SREBF2: variants seen among roughly 807,000 people sequenced by gnomAD.
The protein encoded by SREBF2 is sterol regulatory element binding transcription factor 2.
SREBF2 carries 55 observed loss-of-function variants against 113.1 expected under a neutral mutation model. That is an observed-to-expected ratio of 0.49 (90% confidence interval 0.39 to 0.61). SREBF2 has a LOEUF of 0.61. Among genes scored for constraint, SREBF2 ranks in the 20% least tolerant of loss-of-function variants. The probability of loss-of-function intolerance (pLI) is 0.00; values close to 1 mark genes in which losing one functional copy is unlikely to be tolerated. For synonymous variants in SREBF2, 593 were observed against 605.7 expected (o/e 0.98, Z 0.31); for missense variants, 1,349 against 1,487.4 (o/e 0.91, Z 1.53).
In SREBF2 at chr22:41,868,268, G is replaced by A. The variant is rs150583098; in HGVS notation, c.539-343G>A. Among the ~76,000 whole-genome samples, 1,059 of 152,262 alleles carry A rather than the reference G, an allele frequency of 7.0e-3. 6 individuals carry two copies. The highest frequency in any genetic ancestry group is 0.051 in the Middle Eastern group (15 of 294). On this transcript the variant is annotated intron_variant, in intron 2 of 18. Coordinates refer to ENST00000361204, the MANE Select transcript of SREBF2 (RefSeq NM_004599.4). Reference sequence around the variant, plus strand: ...ACAGTCCTCCCAAAGTGCACTTGCCGTCCAGAAAGGATGGAAGAAAATGAA... The same window carrying A: ...ACAGTCCTCCCAAAGTGCACTTGCCATCCAGAAAGGATGGAAGAAAATGAA...
chr22:41,879,021 A>C (rs1471298155), intron 9 of SREBF2, among the ~76,000 whole-genome samples: 1 of 152,134 alleles, frequency 6.6e-6, no homozygotes, highest in Non-Finnish European at 1.5e-5. Flanking sequence ...ACATGGCAAC[A>C]AGTTAGGGTG....
rs1274869679 is a variant in SREBF2 at position 41,867,012 on chromosome 22, G to T, written c.270G>T (p.Arg90=). 6.2e-7 allele frequency: 1 copy of T among 1,614,038 alleles called. No individual in the cohort carries two copies. Among genetic ancestry groups the T allele is most frequent in the Admixed American group, 1.7e-5 (1 of 60,012 alleles). Residue 90 remains arginine (R), a synonymous_variant, in exon 2 of 19, where the codon CGG becomes CGT. Transcript: ENST00000361204. ...SSGAVDPSVQ[R]SFTQVTLPSF... ...GAGCTGTGGACCCTTCAGTGCAACG[G>T]TCATTCACCCAGGTCACATTACCTT...
chr22:41,873,241 G>A (rs1278093408), intron 4 of SREBF2, among the ~76,000 whole-genome samples: 2 of 152,006 alleles, frequency 1.3e-5, no homozygotes, highest in African/African-American at 4.8e-5. Flanking sequence ...AAAAATAAGA[G>A]GAGAAAACAG....
At chr22:41,899,605 C>G in intron 15 of SREBF2, 7 of 986,336 alleles carry the variant, frequency 7.1e-6, no homozygotes, top group Non-Finnish European at 8.4e-6. Context: ...GATGTGACAC[C>G]CTAATTTCAT....
chr22:41,870,830 G>T, intron 3 of SREBF2, 59 bp from the exon 4 acceptor site: 1 of 1,591,208 alleles, frequency 6.3e-7, no homozygotes, highest in South Asian at 1.1e-5. Context: ...AGTAAGAAAG[G>T]AATGCATAAC....
intron 7 of SREBF2, among the ~76,000 whole-genome samples, chr22:41,876,012 T>C (rs1441666598): frequency 6.6e-6 from 1 of 152,200 alleles, no homozygotes; most frequent in East Asian, 1.9e-4. Flanking sequence ...GTGGGGGCGT[T>C]GGGAGCTGCT....
At position 41,870,954 on chromosome 22, in the gene SREBF2, C is replaced by T. The variant is rs1043490403; in HGVS notation, c.786C>T (p.Gly262=). 6.2e-7 allele frequency: 1 copy of T among 1,614,150 alleles called. No homozygotes were observed. The highest frequency in any genetic ancestry group is 8.5e-7 in the Non-Finnish European group (1 of 1,180,024). The part of the protein sequence containing the change: ...SLVLTTLKTD[G]SPVMAAVQNP... The stretch of plus-strand genomic sequence containing the variant: ...TTTTGACCACACTGAAGACAGATGG[C>T]AGCCCTGTTATGGCTGCGGTCCAGA... The change falls in exon 4 of 19, where the codon GGC becomes GGT. Residue 262 remains glycine (G), a synonymous_variant. Coordinates refer to ENST00000361204, the MANE Select transcript of SREBF2 (RefSeq NM_004599.4).
intron 5 of SREBF2, among the ~76,000 whole-genome samples, chr22:41,874,685 A>T (rs1393919579): frequency 6.6e-6 from 1 of 152,214 alleles, no homozygotes; most frequent in Non-Finnish European, 1.5e-5. Context: ...AGGCGGGTGG[A>T]TCACGAGGCC....
rs2077437427 is a variant in SREBF2 at position 41,898,690 on chromosome 22, G to A, written c.2647G>A (p.Val883Met). Reference protein sequence around the residue: ...ICRWWTSAITVAISWLQGDDA... With the variant: ...ICRWWTSAITMAISWLQGDDA... ...TCGGTGGTGGACGTCTGCAATCACT[G>A]TGGCCATCAGCTGGCTCCAGGGAGA... The change falls in exon 15 of 19, where the codon GTG becomes ATG. Residue 883 changes from valine (V) to methionine (M), a missense_variant. Val to Met is a conservative substitution (Grantham distance 21, BLOSUM62 1). Transcript: ENST00000361204. 14 of 1,613,920 alleles carry A rather than the reference G, an allele frequency of 8.7e-6. No individual in the cohort carries two copies. The East Asian group carries it at 2.5e-4, about 28-fold the overall frequency.
At chr22:41,841,140 T>C (rs150538328) in intron 1 of SREBF2, among the ~76,000 whole-genome samples, 15 of 152,254 alleles carry the variant, frequency 9.9e-5, no homozygotes, top group Non-Finnish European at 1.6e-4. Context: ...GTGTTGGGGA[T>C]GGTTGTGGTC....
chr22:41,855,188 T>C (rs962705991), intron 1 of SREBF2, among the ~76,000 whole-genome samples: 3 of 152,030 alleles, frequency 2.0e-5, no homozygotes, highest in Non-Finnish European at 2.9e-5. Context: ...AACTGATATT[T>C]ACATAGAAAA....
chr22:41,874,008 A>T lies in SREBF2; in HGVS notation c.1078A>T (p.Thr360Ser). Reference protein sequence around the residue: ...IIELKDLVMGTDAKMHKSGVL... With the variant: ...IIELKDLVMGSDAKMHKSGVL... ...CGAATTGAAAGACCTGGTCATGGGG[A>T]CAGACGCCAAGGTGGGTGCCAAGCA... Residue 360 changes from threonine to serine, a missense_variant, in exon 5 of 19, where the codon ACA (threonine) becomes TCA (serine). By Grantham distance (58) the Thr-to-Ser change is moderately conservative. Around this residue, in one of 2 missense-constraint regions of SREBF2, gnomAD observed 699 missense variants for 843.3 expected, o/e 0.83. Transcript: ENST00000361204. 1 of 1,614,148 alleles carries T rather than the reference A, an allele frequency of 6.2e-7. No homozygotes were observed. Among genetic ancestry groups the T allele is most frequent in the Non-Finnish European group, 8.5e-7 (1 of 1,180,024 alleles).
intron 10 of SREBF2, among the ~76,000 whole-genome samples, chr22:41,881,997 G>A (rs1024087323): frequency 3.3e-5 from 5 of 152,000 alleles, no homozygotes; most frequent in Non-Finnish European, 7.4e-5. Context: ...ACTGGAGCCT[G>A]GGAGATCAAG....
chr22:41,856,405 A>C (rs2076978377), intron 1 of SREBF2, among the ~76,000 whole-genome samples: 1 of 152,230 alleles, frequency 6.6e-6, no homozygotes, highest in South Asian at 2.1e-4. Flanking sequence ...CTGGGATTAC[A>C]GGCATGTGCC....
chr22:41,864,748 T>A (rs1231811472), intron 1 of SREBF2, among the ~76,000 whole-genome samples: 4 of 151,852 alleles, frequency 2.6e-5, no homozygotes, highest in Admixed American at 2.6e-4. Flanking sequence ...TTTCAGGAGT[T>A]TGAGACCAGC....
intron 5 of SREBF2, among the ~76,000 whole-genome samples, 198 bp from the exon 6 acceptor site, chr22:41,875,139 T>C (rs2077182848): frequency 6.6e-6 from 1 of 152,196 alleles, no homozygotes; most frequent in South Asian, 2.1e-4. Flanking sequence ...ATCTCTGTGC[T>C]AATGAGGAGG....
At chr22:41,877,452 A>T in intron 8 of SREBF2, 31 bp downstream of exon 8, 1 of 1,611,528 alleles carries the variant, frequency 6.2e-7, no homozygotes, top group Non-Finnish European at 8.5e-7. Flanking sequence ...CCACCTGGGC[A>T]TGGCTGGACC....
chr22:41,873,235 A>G (rs1015802277), intron 4 of SREBF2, among the ~76,000 whole-genome samples: 13 of 152,232 alleles, frequency 8.5e-5, no homozygotes, highest in African/African-American at 2.9e-4. Context: ...GTTAGAAAAA[A>G]TAAGAGGAGA....
chr22:41,894,225 A>G (rs1045679116), intron 12 of SREBF2, among the ~76,000 whole-genome samples: 1 of 152,086 alleles, frequency 6.6e-6, no homozygotes, highest in Non-Finnish European at 1.5e-5. Context: ...CGAGGCCCAC[A>G]TATCTGCCAC....
Sources: gnomAD v4.1 joint callset for allele counts (sites outside exome capture counted in the v4.1 genomes callset) on GRCh38, gnomAD v4.1.1 for gene constraint, gnomAD v4.1.1 regional missense constraint, MANE v1.5 for transcripts, NCBI Gene and HGNC (gene_info 2026-07-23, HGNC 2026-07-21) for gene names.